The following SLFN12L variants were observed in gnomAD, a reference collection of about 807,000 sequenced individuals.
SLFN12L encodes the protein schlafen family member 12 like.
SLFN12L carries 34 observed loss-of-function variants against 34.8 expected under a neutral mutation model. The ratio of observed to expected loss-of-function variants is 0.98; its 90% confidence interval spans 0.74 to 1.30. The LOEUF (loss-of-function observed/expected upper bound fraction) is 1.30, where lower values mean the gene tolerates loss of function less well. SLFN12L is among the 50% of genes most tolerant of loss of function. The pLI, the probability that SLFN12L is intolerant of heterozygous loss-of-function variation, is 0.00. For synonymous variants in SLFN12L, 259 were observed against 247.5 expected (o/e 1.05, Z -0.44); for missense variants, 703 against 696.2 (o/e 1.01, Z -0.11).
intron 2 of SLFN12L, among the ~76,000 whole-genome samples, chr17:35,516,635 C>G (rs1915838003): frequency 1.3e-5 from 2 of 152,300 alleles, no homozygotes; most frequent in South Asian, 2.1e-4. Context: ...TATTATGTCC[C>G]TTGGAGGGCA....
At chr17:35,491,041 T>C in intron 2 of SLFN12L, 1 of 787,092 alleles carries the variant, frequency 1.3e-6, no homozygotes, top group Non-Finnish European at 2.4e-6. Flanking sequence ...TACAGCAGAC[T>C]GCGGACCAAA....
chr17:35,504,626 A>G (rs1371053966), intron 2 of SLFN12L, among the ~76,000 whole-genome samples: 1 of 152,192 alleles, frequency 6.6e-6, no homozygotes, highest in African/African-American at 2.4e-5. Context: ...AGGATTCTAC[A>G]GCCTGGAGTA....
intron 2 of SLFN12L, among the ~76,000 whole-genome samples, chr17:35,488,338 C>T (rs906517070): frequency 6.6e-6 from 1 of 152,206 alleles, no homozygotes; most frequent in Admixed American, 6.5e-5. Flanking sequence ...AGAGCAGCTA[C>T]TAATGCACAG....
chr17:35,531,377 A>T (rs185937673), intron 1 of SLFN12L, among the ~76,000 whole-genome samples: 24 of 152,292 alleles, frequency 1.6e-4, no homozygotes, highest in African/African-American at 5.8e-4. Flanking sequence ...ATCTTTCATG[A>T]TCTTACTCAT....
rs537575408 is a variant in SLFN12L, at chr17:35,504,653, T to C, written c.86+17626A>G. Among the ~76,000 whole-genome samples the C allele has an allele frequency of 2.6e-5, 4 of 152,222 alleles. No individual in the cohort carries two copies. In the East Asian group the frequency reaches 5.8e-4, roughly 22 times the overall value. ...CCTGGAGTAATCAGTCATGCCAAGC[T>C]CCCTCTGCTATATCCCAAAGTCCAG... On this transcript the variant is annotated intron_variant, in intron 2 of 4. Transcript: ENST00000628453.
chr17:35,498,090 CG>C lies in SLFN12L; in HGVS notation c.87-17896del, dbSNP rs533182395. On this transcript the variant is annotated intron_variant, in intron 2 of 4. Coordinates refer to ENST00000628453, the MANE Select transcript of SLFN12L (RefSeq NM_001363830.2). ...GAGCGGCGGCGAGGGCGGCGGGGCG[CG>C]GGGCTCCAGGACACAGCTGAGCCGG... The C allele has an allele frequency of 1.5e-3, 830 of 541,802 alleles. 5 individuals carry two copies. The highest frequency in any genetic ancestry group is 0.014 in the African/African-American group (736 of 51,458). The allele number at this position is 541,802 out of a possible 1,614,324, so 33.6% of individuals were successfully genotyped here. A position where few individuals can be genotyped will look rare whatever the true frequency, so the allele number is the denominator to read the frequency against.
At chr17:35,530,420 A>G (rs1352250687) in intron 1 of SLFN12L, among the ~76,000 whole-genome samples, 280 of 10,120 alleles carry the variant, frequency 0.028, 52 homozygotes, top group East Asian at 0.21. Flanking sequence ...GAAGGAAGGA[A>G]GGAAGGAAGG....
chr17:35,519,950 G>A (rs1597877407), intron 2 of SLFN12L, among the ~76,000 whole-genome samples: 1 of 152,278 alleles, frequency 6.6e-6, no homozygotes, highest in Middle Eastern at 3.4e-3. Context: ...CTCTTTTGCA[G>A]TTTAGACACA....
intron 2 of SLFN12L, among the ~76,000 whole-genome samples, chr17:35,485,135 G>T (rs186849291): frequency 3.3e-5 from 5 of 151,896 alleles, no homozygotes; most frequent in South Asian, 2.1e-4. Flanking sequence ...CTAGCTAAAG[G>T]TTTGTCAATC....
intron 2 of SLFN12L, among the ~76,000 whole-genome samples, chr17:35,521,770 A>G (rs1353095058): frequency 6.6e-6 from 1 of 152,214 alleles, no homozygotes. Context: ...GCTACTCAGG[A>G]AGCTGAGGTG....
rs183279464 is a variant in SLFN12L, at chr17:35,533,239, G to T, written c.-606+4334C>A. ...TTGTATGTAGAAACTATTTTTAAAA[G>T]ATGCATATTAATGAACTAGGTACTT... On this transcript the variant is annotated intron_variant, in intron 1 of 4. Coordinates refer to ENST00000628453, the MANE Select transcript of SLFN12L (RefSeq NM_001363830.2). Among the ~76,000 whole-genome samples, 8 of 152,290 alleles carry T rather than the reference G, an allele frequency of 5.3e-5. No individual in the cohort carries two copies. In the East Asian group the frequency reaches 1.5e-3, roughly 29 times the overall value.
At chr17:35,533,047 C>A (rs1392882199) in intron 1 of SLFN12L, among the ~76,000 whole-genome samples, 1 of 152,016 alleles carries the variant, frequency 6.6e-6, no homozygotes, top group East Asian at 1.9e-4. Context: ...TATTTTCAGC[C>A]TTATCTCTTA....
rs753169026 is a variant in SLFN12L, at chr17:35,479,310, C to T, written c.972G>A (p.Thr324=). The change falls in exon 3 of 5, where the codon ACG becomes ACA. Residue 324 remains threonine, a synonymous_variant. Coordinates refer to ENST00000628453, the MANE Select transcript of SLFN12L (RefSeq NM_001363830.2). ...PVHHFCVEKG[T]INYLCKFLGV... ...CAAGGAATTTGCATAAGTAATTTAT[C>T]GTCCCCTTCTCCACACAGAAGTGAT... 4.4e-5 allele frequency: 70 copies of T among 1,586,316 alleles called. No individual in the cohort carries two copies. In the East Asian group the frequency reaches 6.5e-4, roughly 15 times the overall value.
intron 2 of SLFN12L, among the ~76,000 whole-genome samples, chr17:35,495,147 G>C (rs994397040): frequency 6.6e-6 from 1 of 152,074 alleles, no homozygotes; most frequent in Non-Finnish European, 1.5e-5. Context: ...CAATCTGCCC[G>C]CCTTGGCCTC....
chr17:35,510,993 G>C (rs1915623555), intron 2 of SLFN12L, among the ~76,000 whole-genome samples: 1 of 152,056 alleles, frequency 6.6e-6, no homozygotes, highest in Non-Finnish European at 1.5e-5. Flanking sequence ...GAGAGAAATG[G>C]CGTATATTAG....
intron 2 of SLFN12L, among the ~76,000 whole-genome samples, chr17:35,504,262 A>G (rs985849122): frequency 5.9e-5 from 9 of 152,202 alleles, no homozygotes; most frequent in African/African-American, 2.2e-4. Context: ...CCCAGTGTCA[A>G]TCAGGAGTCT....
Position 35,464,958 on chromosome 17 carries a change from C to T in SLFN12L, c.*9965G>A, listed in dbSNP as rs572312707. 6.6e-6 allele frequency among the ~76,000 whole-genome samples: 1 copy of T among 152,278 alleles called. No homozygotes were observed. Among genetic ancestry groups the T allele is most frequent in the Admixed American group, 6.5e-5 (1 of 15,296 alleles). ...GTGGTGCCATCTTGGCTCACTGCAA[C>T]CCCCGCCTCCCAGGTTCAAGTGATT... On this transcript the variant is annotated 3_prime_UTR_variant, in exon 5 of 5. Transcript: ENST00000628453.
At position 35,480,110 on chromosome 17, in the gene SLFN12L, G is replaced by T; in HGVS notation, c.172C>A (p.Leu58Ile). The change falls in exon 3 of 5, where the codon CTA (leucine) becomes ATA (isoleucine). Residue 58 changes from leucine to isoleucine, a missense_variant. Leu to Ile is a conservative substitution (Grantham distance 5). Transcript: ENST00000628453. ...DLDTNYAELV[L>I]NVGRVTLGEN... The stretch of plus-strand genomic sequence containing the variant: ...CCAAGAGTGACTCTTCCCACATTTA[G>T]AACCAGCTCAGCATAGTTTGTGTCT... The T allele has an allele frequency of 2.5e-6, 4 of 1,613,862 alleles. No homozygotes were observed. The highest frequency in any genetic ancestry group is 3.4e-6 in the Non-Finnish European group (4 of 1,179,988).
At chr17:35,509,758 C>T (rs1050925441) in intron 2 of SLFN12L, among the ~76,000 whole-genome samples, 4 of 151,316 alleles carry the variant, frequency 2.6e-5, no homozygotes, top group Admixed American at 6.6e-5. Context: ...AGTGCAGTGG[C>T]GTGATCTCAG....
Sources: gnomAD v4.1 joint callset for allele counts (sites outside exome capture counted in the v4.1 genomes callset) on GRCh38, gnomAD v4.1.1 for gene constraint, MANE v1.5 for transcripts, NCBI Gene and HGNC (gene_info 2026-07-23, HGNC 2026-07-21) for gene names.